The following CDKN2B-AS1 variants were observed in gnomAD, a reference collection of about 807,000 sequenced individuals.
The protein encoded by CDKN2B-AS1 is CDKN2B antisense RNA 1 (non-protein coding).
Position 22,029,325 on chromosome 9 carries a change from A to C in CDKN2B-AS1, n.30-17426A>C, listed in dbSNP as rs1015515030. ...CTTTATCAAATAGGAGAGCCTGATC[A>C]TGTGTGGTCTGAAGTTTATCTAATG... is the stretch of plus-strand genomic sequence containing the variant. On this transcript the variant is annotated intron_variant and non_coding_transcript_variant, in intron 1 of 4. Transcript: ENST00000650946. 21 of 716,908 alleles carry C rather than the reference A, an allele frequency of 2.9e-5. No homozygotes were observed. In the Admixed American group the frequency reaches 3.9e-4, roughly 13 times the overall value. 44.4% of individuals were successfully genotyped at this position (716,908 alleles called of 1,614,324 possible).
intron 1 of CDKN2B-AS1, among the ~76,000 whole-genome samples, chr9:22,021,283 A>G (rs1006990066): frequency 2.6e-5 from 4 of 151,824 alleles, no homozygotes; most frequent in South Asian, 2.1e-4. Flanking sequence ...TTATTCATGT[A>G]TTCATTTATT....
At chr9:22,066,488 C>T (rs572284530) in intron 4 of CDKN2B-AS1, 1 of 152,002 alleles carries the variant, frequency 6.6e-6, no homozygotes, top group Non-Finnish European at 1.5e-5. Context: ...AGCCACTGCA[C>T]TAAGCCAAAA....
At chr9:22,050,379 C>G (rs1415077270) in intron 3 of CDKN2B-AS1, among the ~76,000 whole-genome samples, 1 of 152,208 alleles carries the variant, frequency 6.6e-6, no homozygotes, top group Non-Finnish European at 1.5e-5. Flanking sequence ...TTCCTCTGTA[C>G]TGCTGTGATG....
At chr9:22,067,701 G>C (rs1483671876) in intron 4 of CDKN2B-AS1, among the ~76,000 whole-genome samples, 1 of 152,134 alleles carries the variant, frequency 6.6e-6, no homozygotes, top group East Asian at 1.9e-4. Context: ...TTTCATAAAT[G>C]CTTGTTGATT....
chr9:22,103,247 T>C (rs1825552276), intron 4 of CDKN2B-AS1, among the ~76,000 whole-genome samples: 1 of 151,700 alleles, frequency 6.6e-6, no homozygotes, highest in African/African-American at 2.4e-5. Context: ...CAACTATGAC[T>C]GGGCAATTAT....
intron 4 of CDKN2B-AS1, among the ~76,000 whole-genome samples, chr9:22,126,037 G>A (rs982841862): frequency 3.5e-4 from 53 of 152,078 alleles, no homozygotes; most frequent in African/African-American, 1.3e-3. Context: ...AGCTTCCTGC[G>A]CAGTCAAGAA....
At chr9:22,092,241 T>C (rs1825117559) in intron 4 of CDKN2B-AS1, 1 of 152,220 alleles carries the variant, frequency 6.6e-6, no homozygotes, top group African/African-American at 2.4e-5. Flanking sequence ...TTATTGAAGA[T>C]TTTTGCATCG....
intron 4 of CDKN2B-AS1, among the ~76,000 whole-genome samples, chr9:22,093,732 T>G (rs1372723778): frequency 6.9e-6 from 1 of 144,104 alleles, no homozygotes; most frequent in Non-Finnish European, 1.5e-5. Flanking sequence ...GAGATGGGAT[T>G]CCTGAATACA....
intron 1 of CDKN2B-AS1, among the ~76,000 whole-genome samples, chr9:22,025,833 C>T (rs1327008335): frequency 6.6e-6 from 1 of 152,166 alleles, no homozygotes; most frequent in East Asian, 1.9e-4. Context: ...CAAAAGTAGT[C>T]TTGCCCCATT....
chr9:22,007,887 G>T (rs1821275856), intron 1 of CDKN2B-AS1, among the ~76,000 whole-genome samples: 1 of 151,908 alleles, frequency 6.6e-6, no homozygotes, highest in African/African-American at 2.4e-5. Flanking sequence ...ATTATTCTAA[G>T]AATTCAAAAG....
chr9:22,018,851 C>G (rs573945399), intron 1 of CDKN2B-AS1, among the ~76,000 whole-genome samples: 1 of 152,230 alleles, frequency 6.6e-6, no homozygotes, highest in African/African-American at 2.4e-5. Flanking sequence ...ATATCATACA[C>G]TATATTCTAG....
At chr9:22,116,969 A>G (rs535455401) in intron 4 of CDKN2B-AS1, among the ~76,000 whole-genome samples, 4 of 152,380 alleles carry the variant, frequency 2.6e-5, no homozygotes, top group African/African-American at 9.6e-5. Flanking sequence ...TTGACCTCAC[A>G]TAAATATGGG....
At position 22,067,216 on chromosome 9, in the gene CDKN2B-AS1, TAAAC is replaced by T. The variant is rs200116454; in HGVS notation, n.438+10833_438+10836del. Among the ~76,000 whole-genome samples, 11 of 151,938 alleles carry T rather than the reference TAAAC, an allele frequency of 7.2e-5. No homozygotes were observed. In the East Asian group the frequency reaches 1.7e-3, roughly 24 times the overall value. The stretch of plus-strand genomic sequence containing the variant: ...TACCCTAGAACTTAAAGTATAATAA[TAAAC>T]AAAAAAAACCACTGCACAATCTCTA... On this transcript the variant is annotated intron_variant and non_coding_transcript_variant, in intron 4 of 4. Coordinates refer to ENST00000650946, the Ensembl canonical transcript of CDKN2B-AS1.
chr9:22,065,022 T>A (rs1230469693), intron 4 of CDKN2B-AS1, among the ~76,000 whole-genome samples: 1 of 152,190 alleles, frequency 6.6e-6, no homozygotes, highest in African/African-American at 2.4e-5. Context: ...CTTCACTGTA[T>A]CTGTAACACA....
chr9:22,076,403 C>T (rs1210711008), intron 4 of CDKN2B-AS1, among the ~76,000 whole-genome samples: 18 of 152,018 alleles, frequency 1.2e-4, no homozygotes. Context: ...CTCAAAATAG[C>T]AAAGAACAGG....
chr9:22,078,043 C>T (rs374537807), intron 4 of CDKN2B-AS1, among the ~76,000 whole-genome samples: 2 of 152,118 alleles, frequency 1.3e-5, no homozygotes, highest in East Asian at 1.9e-4. Context: ...AGCCCTGAAA[C>T]TTTTTTTCTC....
At chr9:22,082,976 G>A (rs1824748998) in intron 4 of CDKN2B-AS1, among the ~76,000 whole-genome samples, 2 of 152,100 alleles carry the variant, frequency 1.3e-5, no homozygotes, top group Non-Finnish European at 2.9e-5. Context: ...CCTAATCCTG[G>A]GGTTCTGTCA....
intron 4 of CDKN2B-AS1, among the ~76,000 whole-genome samples, chr9:22,101,073 A>T (rs1238125312): frequency 6.6e-6 from 1 of 152,228 alleles, no homozygotes; most frequent in South Asian, 2.1e-4. Flanking sequence ...ATGATCCACC[A>T]GTAAAGAGAT....
At position 22,005,910 on chromosome 9, in the gene CDKN2B-AS1, T is replaced by G; in HGVS notation, n.29+10749T>G. ...TTTCCGCCGCTCCCCGTTGGCAGCC[T>G]TCATCGAATTAGGTGGGTGGGGGTG... is the stretch of plus-strand genomic sequence containing the variant. On this transcript the variant is annotated intron_variant and non_coding_transcript_variant, in intron 1 of 4. Coordinates refer to ENST00000650946, the Ensembl canonical transcript of CDKN2B-AS1. The surrounding 1 kb of genome is among the most constrained non-coding windows in gnomAD (Gnocchi z 4.9). 2.6e-6 allele frequency: 4 copies of G among 1,559,206 alleles called. No homozygotes were observed. Among genetic ancestry groups the G allele is most frequent in the Middle Eastern group, 2.1e-4 (1 of 4,746 alleles).
Sources: gnomAD v4.1 joint callset for allele counts (sites outside exome capture counted in the v4.1 genomes callset) on GRCh38, gnomAD v4.1.1 for gene constraint, Gnocchi (gnomAD v3.1) non-coding constraint, MANE v1.5 for transcripts, NCBI Gene and HGNC (gene_info 2026-07-23, HGNC 2026-07-21) for gene names.